Variants in ASB4 observed in about 807,000 individuals in gnomAD.
ASB4 encodes ankyrin repeat and SOCS box containing 4, also known as ankyrin repeat and SOCS box protein 4.
A neutral mutation model predicts 38.6 loss-of-function variants in ASB4; 35 were observed. That is an observed-to-expected ratio of 0.91 (90% CI 0.69 to 1.20). The LOEUF is 1.20. Ranked by LOEUF, ASB4 falls within the 50% of genes most tolerant of loss-of-function variation. ASB4 has a pLI of 0.00. For missense variants in ASB4, 557 were observed against 527.2 expected (o/e 1.06, Z -0.55); for synonymous variants, 195 against 201.3 (o/e 0.97, Z 0.26).
In ASB4 at chr7:95,537,593, C is replaced by T. The variant is rs530868356; in HGVS notation, c.1115C>T (p.Ser372Phe). 1 of 1,597,778 alleles carries T rather than the reference C, an allele frequency of 6.3e-7. No individual in the cohort carries two copies. The highest frequency in any genetic ancestry group is 1.3e-5 in the African/African-American group (1 of 74,542). Reference sequence around the variant, plus strand: ...CAGAAATACTGGGATTTTTACCACTCTCTCTTTACTGTGTGCTGTAACTCT... The same window carrying T: ...CAGAAATACTGGGATTTTTACCACTTTCTCTTTACTGTGTGCTGTAACTCT... ...DLEKYWDFYH[S>F]LFTVCCNSPR... The change falls in exon 5 of 5, where the codon TCT (serine) becomes TTT (phenylalanine). Residue 372 changes from serine (S) to phenylalanine (F), a missense_variant. By Grantham distance (155) the Ser-to-Phe change is radical (BLOSUM62 -2). Transcript: ENST00000325885.
chr7:95,538,615 A>G lies in ASB4; in HGVS notation c.*856A>G, dbSNP rs1236740244. 6.6e-6 allele frequency: 1 copy of G among 152,216 alleles called. No homozygotes were observed. Among genetic ancestry groups the G allele is most frequent in the Non-Finnish European group, 1.5e-5 (1 of 68,038 alleles). 9.4% of individuals were successfully genotyped at this position (152,216 alleles called of 1,614,324 possible). ...CATGAAGTTAAAGAGTGAAGGGGTT[A>G]TGTAAAGTAGAGGGATCTCCTGCTC... On this transcript the variant is annotated 3_prime_UTR_variant, in exon 5 of 5. Transcript: ENST00000325885.
chr7:95,528,195 G>A lies in ASB4; in HGVS notation c.870G>A (p.Gln290=), dbSNP rs1180782241. Residue 290 remains glutamine, a synonymous_variant, in exon 3 of 5, where the codon CAG becomes CAA. Transcript: ENST00000325885. ...LMDINGCAAI[Q]YVLKVTSVRP... The stretch of plus-strand genomic sequence containing the variant: ...ATATCAACGGCTGTGCTGCCATCCA[G>A]TACGTGCTGAAGGTCACCTCCGTGC... The A allele has an allele frequency of 6.2e-7, 1 of 1,614,094 alleles. No homozygotes were observed. Among genetic ancestry groups the A allele is most frequent in the Admixed American group, 1.7e-5 (1 of 60,004 alleles).
At chr7:95,521,489 C>G (rs1170871007) in intron 2 of ASB4, among the ~76,000 whole-genome samples, 1 of 152,026 alleles carries the variant, frequency 6.6e-6, no homozygotes, top group African/African-American at 2.4e-5. Context: ...GATATATACA[C>G]TGATGAATAT....
At chr7:95,545,042 T>TTC (rs1791014183), downstream of ASB4, among the ~76,000 whole-genome samples, 2 of 151,774 alleles carry the variant, frequency 1.3e-5, no homozygotes, top group African/African-American at 4.8e-5. Flanking sequence ...ATCCAGCTTT[T>TTC]TTTTTTTTCT....
chr7:95,546,429 T>C, the ASB4 span, among the ~76,000 whole-genome samples: 3 of 152,232 alleles, frequency 2.0e-5, no homozygotes, highest in South Asian at 4.1e-4. Flanking sequence ...AAATATTTTT[T>C]TTTCTGCGTT....
At chr7:95,487,587 C>T (rs1790109985) in intron 1 of ASB4, among the ~76,000 whole-genome samples, 1 of 152,158 alleles carries the variant, frequency 6.6e-6, no homozygotes, top group Non-Finnish European at 1.5e-5. Flanking sequence ...GTTTTAGGTG[C>T]AGGCTCTAGG....
chr7:95,495,328 A>G (rs1790229423), intron 1 of ASB4, among the ~76,000 whole-genome samples: 3 of 152,206 alleles, frequency 2.0e-5, no homozygotes, highest in South Asian at 4.1e-4. Context: ...TAAGCTTGCA[A>G]CTGACAGCCT....
upstream of ASB4, among the ~76,000 whole-genome samples, chr7:95,485,328 A>C (rs1316836653): frequency 6.6e-6 from 1 of 152,250 alleles, no homozygotes; most frequent in Non-Finnish European, 1.5e-5. Flanking sequence ...TAAATGTTTT[A>C]TCTCTTCAGT....
chr7:95,527,027 A>G (rs761851472), intron 2 of ASB4, among the ~76,000 whole-genome samples: 1 of 152,220 alleles, frequency 6.6e-6, no homozygotes, highest in Non-Finnish European at 1.5e-5. Context: ...AAAAATTCCT[A>G]TTTCTAACAT....
intron 3 of ASB4, among the ~76,000 whole-genome samples, chr7:95,529,404 C>A (rs1387515194): frequency 6.6e-6 from 1 of 152,228 alleles, no homozygotes. Flanking sequence ...TTAAGTTCTA[C>A]GTCTTACCTG....
intron 2 of ASB4, among the ~76,000 whole-genome samples, chr7:95,521,700 C>A (rs1325924778): frequency 1.5e-5 from 2 of 136,862 alleles, no homozygotes; most frequent in African/African-American, 5.5e-5. Context: ...AAAAAAAAAA[C>A]AGTTCTCTAT....
upstream of ASB4, among the ~76,000 whole-genome samples, chr7:95,483,561 G>A (rs1281407443): frequency 6.6e-6 from 1 of 152,136 alleles, no homozygotes; most frequent in Non-Finnish European, 1.5e-5. Flanking sequence ...CCATAATGGG[G>A]GATCAGATCA....
chr7:95,496,430 A>T (rs1047119162), intron 2 of ASB4, among the ~76,000 whole-genome samples: 2 of 152,224 alleles, frequency 1.3e-5, no homozygotes, highest in African/African-American at 4.8e-5. Context: ...ATATAATTAT[A>T]AATTGGGACA....
chr7:95,517,649 T>A (rs935969867), intron 2 of ASB4, among the ~76,000 whole-genome samples: 1 of 151,254 alleles, frequency 6.6e-6, no homozygotes, highest in African/African-American at 2.4e-5. Flanking sequence ...CCATTAGATA[T>A]AGTAGAGAGG....
intron 2 of ASB4, among the ~76,000 whole-genome samples, chr7:95,503,210 G>A (rs1015521946): frequency 6.6e-6 from 1 of 152,140 alleles, no homozygotes; most frequent in African/African-American, 2.4e-5. Flanking sequence ...TTTTTAAAGT[G>A]TGGCAGCTGG....
intron 2 of ASB4, among the ~76,000 whole-genome samples, chr7:95,519,468 C>A (rs2116631552): frequency 6.6e-6 from 1 of 152,286 alleles, no homozygotes; most frequent in South Asian, 2.1e-4. Context: ...TAAAAGAATG[C>A]ATGACAAATG....
chr7:95,526,362 G>A (rs1164150408), intron 2 of ASB4, among the ~76,000 whole-genome samples: 1 of 152,142 alleles, frequency 6.6e-6, no homozygotes, highest in Non-Finnish European at 1.5e-5. Flanking sequence ...GCTCCCCCCA[G>A]CACAACTCTA....
At chr7:95,493,550 C>A (rs1248723318) in intron 1 of ASB4, among the ~76,000 whole-genome samples, 1 of 152,034 alleles carries the variant, frequency 6.6e-6, no homozygotes, top group Admixed American at 6.6e-5. Flanking sequence ...GACAGAGAGA[C>A]AATAGCTTAT....
chr7:95,477,059 A>G (rs949782471), upstream of ASB4, among the ~76,000 whole-genome samples: 6 of 152,124 alleles, frequency 3.9e-5, no homozygotes, highest in Non-Finnish European at 1.5e-5. Context: ...TTTAAAATCC[A>G]TATTTGTGGT....
Sources: allele counts gnomAD v4.1 joint callset (sites outside exome capture counted in the v4.1 genomes callset), GRCh38; gene constraint gnomAD v4.1.1; transcripts MANE v1.5; gene names NCBI Gene and HGNC (gene_info 2026-07-23, HGNC 2026-07-21).